MICAL2: variants seen among roughly 807,000 people sequenced by gnomAD.
The protein encoded by MICAL2 is [F-actin]-monooxygenase MICAL2.
Under a neutral mutation model 127.3 loss-of-function variants are expected in MICAL2, and 77 were observed. That is an observed-to-expected ratio of 0.60 (90% CI 0.50 to 0.73). The LOEUF (loss-of-function observed/expected upper bound fraction) is 0.73, where lower values mean the gene tolerates loss of function less well. MICAL2 is among the 30% of genes least tolerant of loss of function. The pLI is 0.00. For missense variants in MICAL2, 1,351 were observed against 1,434.4 expected (o/e 0.94, Z 0.94); for synonymous variants, 570 against 551.1 (o/e 1.03, Z -0.48).
intron 1 of MICAL2, among the ~76,000 whole-genome samples, chr11:12,129,636 C>CTTTTTTTTTT (rs559528778): frequency 4.3e-4 from 42 of 97,394 alleles, no homozygotes; most frequent in African/African-American, 1.6e-3. Context: ...TCTTCTTCTT[C>CTTTTTTTTTT]TTTTTTTTTT....
rs143120204 is a variant in MICAL2, at chr11:12,314,355, A to G, written c.5213-5341A>G. On this transcript the variant is annotated intron_variant, in intron 29 of 34. Transcript: ENST00000646065. ...TAGTATGTAGTGCTTGTCATTATGTATAGTTTGTTCATTATTATTTTGGCT... is the reference window on the plus strand; with the variant it reads ...TAGTATGTAGTGCTTGTCATTATGTGTAGTTTGTTCATTATTATTTTGGCT... Among the ~76,000 whole-genome samples, 161 of 152,146 alleles carry G rather than the reference A, an allele frequency of 1.1e-3. 1 individual carries two copies. The highest frequency in any genetic ancestry group is 2.5e-3 in the Admixed American group (38 of 15,280).
intron 2 of MICAL2, chr11:12,281,151 G>GA (rs1272443876): frequency 5.3e-6 from 2 of 380,766 alleles, no homozygotes; most frequent in East Asian, 7.9e-5. Flanking sequence ...AGGGAACAGA[G>GA]ACCCCCACAG....
At chr11:12,304,098 T>C (rs941705497) in intron 29 of MICAL2, among the ~76,000 whole-genome samples, 1 of 152,200 alleles carries the variant, frequency 6.6e-6, no homozygotes, top group Non-Finnish European at 1.5e-5. Context: ...ATAAAATATA[T>C]TAAAATTAAT....
chr11:12,214,135 G>A (rs1166752373), intron 7 of MICAL2, among the ~76,000 whole-genome samples: 1 of 152,178 alleles, frequency 6.6e-6, no homozygotes, highest in Non-Finnish European at 1.5e-5. Context: ...TCATCAGGTG[G>A]TAATAGGGAC....
At chr11:12,168,491 T>G (rs1855821884) in intron 3 of MICAL2, among the ~76,000 whole-genome samples, 1 of 151,038 alleles carries the variant, frequency 6.6e-6, no homozygotes. Flanking sequence ...CACATATACA[T>G]GCATACATAC....
chr11:12,337,736 T>G (rs1357660638), intron 32 of MICAL2, among the ~76,000 whole-genome samples: 1 of 152,138 alleles, frequency 6.6e-6, no homozygotes, highest in Non-Finnish European at 1.5e-5. Context: ...AGGAGCAGGT[T>G]GTTCAGTTTC....
At chr11:12,197,299 CCA>C (rs1860061573) in intron 3 of MICAL2, among the ~76,000 whole-genome samples, 1 of 152,216 alleles carries the variant, frequency 6.6e-6, no homozygotes, top group Admixed American at 6.5e-5. Context: ...TTCCTGAGCT[CCA>C]GTTTTCCTAT....
chr11:12,338,181 T>G (rs1409965450), intron 32 of MICAL2, among the ~76,000 whole-genome samples: 3 of 152,228 alleles, frequency 2.0e-5, no homozygotes, highest in South Asian at 2.1e-4. Flanking sequence ...GCTCTTCTTG[T>G]TGAATTGATC....
intron 3 of MICAL2, among the ~76,000 whole-genome samples, chr11:12,187,098 C>G (rs886086394): frequency 8.5e-5 from 13 of 152,234 alleles, no homozygotes; most frequent in Non-Finnish European, 1.5e-5. Flanking sequence ...CCCCTCTGCT[C>G]TCTCCCCGTG....
At chr11:12,358,774 A>T (rs1018061254), downstream of MICAL2, 3 of 209,186 alleles carry the variant, frequency 1.4e-5, no homozygotes, top group Non-Finnish European at 2.9e-5. Context: ...AGAAAGTGAC[A>T]CAAAGACTTG....
chr11:12,345,294 C>T (rs925121407), intron 32 of MICAL2, among the ~76,000 whole-genome samples: 7 of 152,174 alleles, frequency 4.6e-5, no homozygotes, highest in African/African-American at 1.7e-4. Context: ...CATTGTGGAG[C>T]TTCAGTTCAG....
chr11:12,174,117 G>A (rs959184041), intron 3 of MICAL2, among the ~76,000 whole-genome samples: 5 of 149,092 alleles, frequency 3.4e-5, no homozygotes, highest in African/African-American at 4.9e-5. Context: ...ACATATCCAA[G>A]TTATTCCAGT....
intron 24 of MICAL2, chr11:12,257,189 G>A (rs977336241): frequency 1.3e-4 from 64 of 500,902 alleles, no homozygotes; most frequent in African/African-American, 1.1e-3. Flanking sequence ...ACTGTGGTAC[G>A]GCATACCAGG....
chr11:12,200,844 C>T (rs983175885), intron 3 of MICAL2, among the ~76,000 whole-genome samples: 1 of 152,194 alleles, frequency 6.6e-6, no homozygotes, highest in African/African-American at 2.4e-5. Context: ...CTGCCTTGTC[C>T]AGGGAGCAGT....
At chr11:12,184,023 A>C (rs1365156746) in intron 3 of MICAL2, among the ~76,000 whole-genome samples, 1 of 151,824 alleles carries the variant, frequency 6.6e-6, no homozygotes, top group African/African-American at 2.4e-5. Flanking sequence ...CAAGTGATCC[A>C]CTCGCCTTGG....
intron 1 of MICAL2, among the ~76,000 whole-genome samples, chr11:12,133,362 G>C (rs1181960749): frequency 2.0e-5 from 3 of 152,180 alleles, no homozygotes; most frequent in African/African-American, 7.2e-5. Context: ...GATTACAGGT[G>C]TGAGCCACTG....
At chr11:12,300,825 A>G (rs1864038280) in intron 29 of MICAL2, among the ~76,000 whole-genome samples, 1 of 152,206 alleles carries the variant, frequency 6.6e-6, no homozygotes, top group Non-Finnish European at 1.5e-5. Context: ...GTAAGATAAT[A>G]AAAGGGTGTT....
intron 29 of MICAL2, among the ~76,000 whole-genome samples, chr11:12,303,132 A>G (rs10831780): frequency 0.064 from 9,779 of 152,186 alleles, 639 homozygotes; most frequent in African/African-American, 0.17. Context: ...CCATGATTCA[A>G]TTACCTCCAC....
intron 32 of MICAL2, among the ~76,000 whole-genome samples, chr11:12,330,816 A>C (rs796149390): frequency 6.6e-6 from 1 of 150,658 alleles, no homozygotes; most frequent in African/African-American, 2.5e-5. Flanking sequence ...AGAGAGAGAG[A>C]GAGAGGGAGA....
Sources: gnomAD v4.1 joint callset for allele counts (sites outside exome capture counted in the v4.1 genomes callset) on GRCh38, gnomAD v4.1.1 for gene constraint, MANE v1.5 for transcripts, NCBI Gene and HGNC (gene_info 2026-07-23, HGNC 2026-07-21) for gene names.